Variants in TNR observed in about 807,000 individuals in gnomAD.
The protein encoded by TNR is tenascin-R.
Under a neutral mutation model 150.4 loss-of-function variants are expected in TNR, and 45 were observed. The ratio of observed to expected loss-of-function variants is 0.30; its 90% CI spans 0.24 to 0.38. The LOEUF (loss-of-function observed/expected upper bound fraction) is 0.38. Among genes scored for constraint, TNR ranks in the 10% least tolerant of loss-of-function variants. The pLI is 1.00. For synonymous variants in TNR, 687 were observed against 678.4 expected, an observed-to-expected ratio of 1.01 and a Z score of -0.20; for missense variants, 1,544 against 1,759.1, an observed-to-expected ratio of 0.88 and a Z score of 2.19.
intron 1 of TNR, among the ~76,000 whole-genome samples, chr1:175,588,771 T>G (rs910949086): frequency 6.6e-6 from 1 of 152,262 alleles, no homozygotes; most frequent in African/African-American, 2.4e-5. Flanking sequence ...TAAACTGGCC[T>G]CAGAATGGCT....
At chr1:175,344,202 A>G (rs1039553979) in intron 18 of TNR, among the ~76,000 whole-genome samples, 5 of 152,332 alleles carry the variant, frequency 3.3e-5, no homozygotes, top group African/African-American at 7.2e-5. Context: ...AATTGAATGC[A>G]GACGAAGGGA....
intron 1 of TNR, among the ~76,000 whole-genome samples, chr1:175,726,295 A>G (rs999547444): frequency 6.6e-6 from 1 of 152,226 alleles, no homozygotes; most frequent in African/African-American, 2.4e-5. Flanking sequence ...AGTGCTATAG[A>G]AGACCAGGAA....
At chr1:175,334,201 A>G (rs1277476692) in intron 20 of TNR, among the ~76,000 whole-genome samples, 1 of 152,230 alleles carries the variant, frequency 6.6e-6, no homozygotes, top group Non-Finnish European at 1.5e-5. Context: ...AGAGAAATCT[A>G]ACATGGCTGA....
chr1:175,583,216 A>G (rs1373846223), intron 1 of TNR, among the ~76,000 whole-genome samples: 1 of 152,148 alleles, frequency 6.6e-6, no homozygotes, highest in Admixed American at 6.5e-5. Flanking sequence ...GCCCGAGTAG[A>G]ACACAGGTGG....
At chr1:175,378,715 G>A (rs940118281) in intron 9 of TNR, among the ~76,000 whole-genome samples, 2 of 152,210 alleles carry the variant, frequency 1.3e-5, no homozygotes, top group Non-Finnish European at 2.9e-5. Flanking sequence ...TTGTGGGCCT[G>A]GAGCCCAGAA....
chr1:175,606,750 T>G (rs1663420036), intron 1 of TNR, among the ~76,000 whole-genome samples: 2 of 152,128 alleles, frequency 1.3e-5, no homozygotes, highest in African/African-American at 2.4e-5. Context: ...AGGATAGCCC[T>G]CGACCACTGG....
At chr1:175,470,334 C>T (rs760663077) in intron 2 of TNR, among the ~76,000 whole-genome samples, 53 of 152,070 alleles carry the variant, frequency 3.5e-4, no homozygotes, top group Non-Finnish European at 5.6e-4. Context: ...ATGCAAAGGG[C>T]CGCAGGGGAA....
At chr1:175,516,665 C>T (rs1160091008) in intron 2 of TNR, among the ~76,000 whole-genome samples, 1 of 152,160 alleles carries the variant, frequency 6.6e-6, no homozygotes, top group Non-Finnish European at 1.5e-5. Flanking sequence ...AGGACCTGAG[C>T]TTTTCCAAAG....
At chr1:175,497,323 G>A (rs1004011472) in intron 2 of TNR, among the ~76,000 whole-genome samples, 16 of 152,198 alleles carry the variant, frequency 1.1e-4, no homozygotes, top group East Asian at 7.7e-4. Context: ...CTCTCTCACC[G>A]TCAATTACAG....
chr1:175,720,517 G>A (rs1300529354), intron 1 of TNR, among the ~76,000 whole-genome samples: 1 of 152,178 alleles, frequency 6.6e-6, no homozygotes, highest in Non-Finnish European at 1.5e-5. Context: ...CCCAAGACGG[G>A]AACTGTGCTT....
chr1:175,638,997 A>G (rs1291272677), intron 1 of TNR, among the ~76,000 whole-genome samples: 1 of 152,164 alleles, frequency 6.6e-6, no homozygotes, highest in Non-Finnish European at 1.5e-5. Context: ...CATCCAATCT[A>G]TGGGCAAAGT....
chr1:175,369,145 G>T (rs963410428), intron 9 of TNR, among the ~76,000 whole-genome samples: 8 of 152,180 alleles, frequency 5.3e-5, no homozygotes, highest in African/African-American at 1.9e-4. Flanking sequence ...AAAATGGATT[G>T]TGTTTTAGAG....
chr1:175,341,371 G>A (rs540281431), intron 18 of TNR, among the ~76,000 whole-genome samples: 102 of 152,266 alleles, frequency 6.7e-4, no homozygotes, highest in African/African-American at 2.5e-3. Context: ...CACAGGCTGT[G>A]GTGATTACTA....
intron 2 of TNR, among the ~76,000 whole-genome samples, chr1:175,499,874 C>T (rs1020986501): frequency 7.2e-5 from 11 of 152,178 alleles, no homozygotes; most frequent in Admixed American, 2.0e-4. Context: ...TACGTAACTA[C>T]TGTTGCCCCT....
intron 2 of TNR, among the ~76,000 whole-genome samples, chr1:175,446,385 T>A (rs529788952): frequency 1.3e-5 from 2 of 152,336 alleles, no homozygotes; most frequent in South Asian, 2.1e-4. Flanking sequence ...ATGGCTATTA[T>A]TTTTTCTTTA....
At chr1:175,634,309 C>T (rs1416608448) in intron 1 of TNR, among the ~76,000 whole-genome samples, 2 of 152,166 alleles carry the variant, frequency 1.3e-5, no homozygotes, top group African/African-American at 4.8e-5. Context: ...GCCGCCTTCC[C>T]TCCATTTCAT....
At chr1:175,545,744 T>C (rs1186073136) in intron 1 of TNR, among the ~76,000 whole-genome samples, 3 of 152,202 alleles carry the variant, frequency 2.0e-5, no homozygotes, top group Non-Finnish European at 4.4e-5. Context: ...ATAGGGATTT[T>C]GATTAACTTA....
intron 1 of TNR, among the ~76,000 whole-genome samples, chr1:175,741,093 C>T (rs1019443146): frequency 6.6e-6 from 1 of 152,202 alleles, no homozygotes; most frequent in Admixed American, 6.5e-5. Context: ...TCATTCTTCA[C>T]CAGAGAGAGG....
rs12747836 is a variant in TNR, at chr1:175,316,636, A to T, written c.*6721T>A. The T allele has an allele frequency of 0.051, 7,696 of 152,246 alleles. 270 individuals carry two copies. The highest frequency in any genetic ancestry group is 0.16 in the Middle Eastern group (47 of 294). 9.4% of individuals were successfully genotyped at this position (152,246 alleles called of 1,614,324 possible). A position where few individuals can be genotyped will look rare whatever the true frequency, so the allele number is the denominator to read the frequency against. ...ACACTGCCTGCTCCAGCTTGAAAAAAATGACTGGATATCCCACTCTTCTAA... is the reference window on the plus strand; with the variant it reads ...ACACTGCCTGCTCCAGCTTGAAAAATATGACTGGATATCCCACTCTTCTAA... On this transcript the variant is annotated 3_prime_UTR_variant, in exon 23 of 23. Coordinates refer to ENST00000367674, the MANE Select transcript of TNR (RefSeq NM_003285.3).
Sources: gnomAD v4.1 joint callset for allele counts (sites outside exome capture counted in the v4.1 genomes callset) on GRCh38, gnomAD v4.1.1 for gene constraint, MANE v1.5 for transcripts, NCBI Gene and HGNC (gene_info 2026-07-23, HGNC 2026-07-21) for gene names.